Variants in CERS6 observed in about 807,000 individuals in gnomAD.
CERS6 encodes ceramide synthase 6.
CERS6 carries 26 observed loss-of-function variants against 56.8 expected under a neutral mutation model. That is an observed-to-expected ratio of 0.46 (90% CI 0.34 to 0.63). The LOEUF is 0.63. Among genes scored for constraint, CERS6 ranks in the 30% least tolerant of loss-of-function variants. The probability of loss-of-function intolerance (pLI) is 0.01; values close to 1 mark genes in which losing one functional copy is unlikely to be tolerated. For synonymous variants in CERS6, 164 were observed against 173.3 expected (o/e 0.95, Z 0.42); for missense variants, 415 against 467.5 (o/e 0.89, Z 1.04).
chr2:168,750,856 C>T (rs370562747), intron 8 of CERS6, among the ~76,000 whole-genome samples: 12 of 152,272 alleles, frequency 7.9e-5, no homozygotes, highest in Admixed American at 4.6e-4. Context: ...TATATTCCAA[C>T]CCCAGTTCCT....
chr2:168,611,574 G>A (rs919028981), intron 3 of CERS6, among the ~76,000 whole-genome samples: 9 of 152,268 alleles, frequency 5.9e-5, no homozygotes, highest in Admixed American at 1.3e-4. Context: ...CGATTTATCC[G>A]TGTATCATGT....
At chr2:168,648,180 C>T (rs1033289728) in intron 4 of CERS6, among the ~76,000 whole-genome samples, 1 of 152,064 alleles carries the variant, frequency 6.6e-6, no homozygotes, top group Non-Finnish European at 1.5e-5. Context: ...CTATTTATTA[C>T]TGATTCCATT....
Position 168,738,061 on chromosome 2 carries a change from A to G in CERS6, c.845+20083A>G, listed in dbSNP as rs28731209. ...TGAAGAATGTGTATTGAATAGGTCA[A>G]TTGTTATTCTATTTTCTATTTGTGG... On this transcript the variant is annotated intron_variant, in intron 8 of 9. Transcript: ENST00000305747. 6.5e-3 allele frequency among the ~76,000 whole-genome samples: 990 copies of G among 152,356 alleles called. 7 individuals are homozygous for G. Among genetic ancestry groups the G allele is most frequent in the African/African-American group, 0.023 (944 of 41,588 alleles).
chr2:168,587,095 C>G (rs1683562310), intron 3 of CERS6, among the ~76,000 whole-genome samples: 1 of 151,970 alleles, frequency 6.6e-6, no homozygotes, highest in Admixed American at 6.6e-5. Context: ...ATGAGAGTCC[C>G]TTGAACCTGG....
At chr2:168,527,646 G>A (rs1695093978) in intron 1 of CERS6, among the ~76,000 whole-genome samples, 2 of 152,156 alleles carry the variant, frequency 1.3e-5, no homozygotes, top group South Asian at 4.1e-4. Context: ...CCTCTGGAGT[G>A]GAGGAATGCC....
At chr2:168,634,801 C>T (rs558317667) in intron 4 of CERS6, among the ~76,000 whole-genome samples, 48 of 152,270 alleles carry the variant, frequency 3.2e-4, no homozygotes, top group African/African-American at 1.1e-3. Context: ...TGTCTAATTT[C>T]AATATCAGTC....
intron 8 of CERS6, among the ~76,000 whole-genome samples, chr2:168,759,627 T>A (rs889935347): frequency 2.6e-5 from 4 of 152,234 alleles, no homozygotes; most frequent in Admixed American, 2.6e-4. Flanking sequence ...AGATTTAATT[T>A]GGCCATGCCC....
chr2:168,487,793 A>G (rs1004796087), intron 1 of CERS6, among the ~76,000 whole-genome samples: 5 of 152,172 alleles, frequency 3.3e-5, no homozygotes, highest in African/African-American at 7.2e-5. Context: ...AGCTCAGCCA[A>G]TCATCCTGCC....
chr2:168,571,004 A>G (rs1244601916), intron 3 of CERS6, among the ~76,000 whole-genome samples: 1 of 152,176 alleles, frequency 6.6e-6, no homozygotes, highest in Non-Finnish European at 1.5e-5. Flanking sequence ...ATCAATTGTA[A>G]TACTCAAGCA....
chr2:168,684,087 G>A (rs1490026695), intron 4 of CERS6, among the ~76,000 whole-genome samples: 1 of 152,192 alleles, frequency 6.6e-6, no homozygotes, highest in Admixed American at 6.5e-5. Context: ...ATTGCAGAAT[G>A]TGGTAAAGGC....
intron 1 of CERS6, among the ~76,000 whole-genome samples, chr2:168,468,788 C>T (rs1693927382): frequency 6.6e-6 from 1 of 152,176 alleles, no homozygotes; most frequent in Admixed American, 6.5e-5. Context: ...TCCCTTCTCT[C>T]TCTTTTTTTC....
At position 168,769,672 on chromosome 2, in the gene CERS6, A is replaced by G. The variant is rs775881458; in HGVS notation, c.*10A>G. 3 of 1,609,770 alleles carry G rather than the reference A, an allele frequency of 1.9e-6. No homozygotes were observed. The highest frequency in any genetic ancestry group is 2.5e-6 in the Non-Finnish European group (3 of 1,178,666). ...CTCCATGGATGATTAATTACTCAAA[A>G]CTACAAGTCCCAAGCAAAGTGAACT... On this transcript the variant is annotated 3_prime_UTR_variant, in exon 10 of 10. Coordinates refer to ENST00000305747, the MANE Select transcript of CERS6 (RefSeq NM_203463.3).
intron 1 of CERS6, among the ~76,000 whole-genome samples, chr2:168,527,000 C>T (rs1695083499): frequency 6.6e-6 from 1 of 152,174 alleles, no homozygotes. Context: ...GCTCCAAATC[C>T]ACCCTTCATA....
intron 4 of CERS6, among the ~76,000 whole-genome samples, chr2:168,666,162 A>G (rs1204450003): frequency 6.6e-6 from 1 of 152,094 alleles, no homozygotes; most frequent in East Asian, 1.9e-4. Context: ...TTAAAACACT[A>G]TTGTTGGCTA....
chr2:168,646,302 CT>C (rs577291526), intron 4 of CERS6, among the ~76,000 whole-genome samples: 2 of 151,322 alleles, frequency 1.3e-5, no homozygotes, highest in Non-Finnish European at 2.9e-5. Context: ...CAATATTGAG[CT>C]TTTTTTTTCA....
chr2:168,612,733 C>T (rs1321048726), intron 3 of CERS6, among the ~76,000 whole-genome samples: 1 of 152,182 alleles, frequency 6.6e-6, no homozygotes, highest in African/African-American at 2.4e-5. Context: ...GTAAGAATTG[C>T]TCTTTGGTGA....
At chr2:168,757,555 A>C (rs959475114) in intron 8 of CERS6, among the ~76,000 whole-genome samples, 1 of 152,130 alleles carries the variant, frequency 6.6e-6, no homozygotes, top group Admixed American at 6.5e-5. Context: ...TTATTTGTCC[A>C]TGTTCAAGTT....
chr2:168,532,803 T>G (rs1695191501), intron 1 of CERS6, among the ~76,000 whole-genome samples: 1 of 152,242 alleles, frequency 6.6e-6, no homozygotes, highest in African/African-American at 2.4e-5. Context: ...ATAATCCCAT[T>G]GTTTGGCAAC....
At chr2:168,677,514 T>C (rs1686094468) in intron 4 of CERS6, among the ~76,000 whole-genome samples, 1 of 152,164 alleles carries the variant, frequency 6.6e-6, no homozygotes. Context: ...TTATTTTTTA[T>C]GAGACGGAGT....
Sources: allele counts gnomAD v4.1 joint callset (sites outside exome capture counted in the v4.1 genomes callset), GRCh38; gene constraint gnomAD v4.1.1; transcripts MANE v1.5; gene names NCBI Gene and HGNC (gene_info 2026-07-23, HGNC 2026-07-21).